The following SYNPR variants were observed in gnomAD, a reference collection of about 807,000 sequenced individuals.
The protein encoded by SYNPR is synaptoporin.
Under a neutral mutation model 32.9 loss-of-function variants are expected in SYNPR, and 23 were observed. The ratio of observed to expected loss-of-function variants is 0.70; its 90% confidence interval spans 0.50 to 0.99. The LOEUF is 0.99. Ranked by LOEUF, SYNPR falls within the 50% of genes least tolerant of loss-of-function variation. The pLI is 0.00. For missense variants in SYNPR, 318 were observed against 349.3 expected, an observed-to-expected ratio of 0.91 and a Z score of 0.71; for synonymous variants, 146 against 135.9, an observed-to-expected ratio of 1.07 and a Z score of -0.52.
intron 1 of SYNPR, among the ~76,000 whole-genome samples, chr3:63,245,197 A>G (rs534274432): frequency 6.5e-4 from 99 of 152,222 alleles, no homozygotes; most frequent in African/African-American, 2.3e-3. Context: ...TTTGGAGTAC[A>G]TAACCAGAAT....
intron 2 of SYNPR, among the ~76,000 whole-genome samples, chr3:63,475,616 T>G (rs545749584): frequency 2.6e-5 from 4 of 152,226 alleles, no homozygotes; most frequent in Admixed American, 2.0e-4. Context: ...CACACCACCA[T>G]GTCTTTACAT....
chr3:63,209,242 C>CG, the SYNPR span, among the ~76,000 whole-genome samples: 257 of 135,592 alleles, frequency 1.9e-3, 1 homozygote, highest in African/African-American at 6.7e-3. Flanking sequence ...GGCATGAACC[C>CG]GGGGGGCGGA....
chr3:63,377,627 G>GT (rs140844448), intron 2 of SYNPR, among the ~76,000 whole-genome samples: 33,031 of 151,296 alleles, frequency 0.22, 3,773 homozygotes, highest in Middle Eastern at 0.28. Flanking sequence ...ATACATCTTA[G>GT]TTTTTTTTTA....
At chr3:63,324,770 T>C (rs1169612490) in intron 2 of SYNPR, among the ~76,000 whole-genome samples, 2 of 152,086 alleles carry the variant, frequency 1.3e-5, no homozygotes, top group Non-Finnish European at 2.9e-5. Context: ...CTATTTAGTA[T>C]GGAGAGGACC....
At chr3:63,401,043 T>G (rs77774584) in intron 2 of SYNPR, among the ~76,000 whole-genome samples, 5,450 of 148,326 alleles carry the variant, frequency 0.037, 267 homozygotes, top group African/African-American at 0.12. Context: ...CAAAAAAGGT[T>G]TTTTTTTTTA....
chr3:63,314,768 T>A (rs773472413), intron 2 of SYNPR, among the ~76,000 whole-genome samples: 5 of 151,950 alleles, frequency 3.3e-5, no homozygotes, highest in Non-Finnish European at 7.4e-5. Flanking sequence ...ATTGCATTTG[T>A]TTTTGGGTTC....
intron 4 of SYNPR, among the ~76,000 whole-genome samples, chr3:63,593,345 T>C (rs1044989544): frequency 2.6e-5 from 4 of 152,114 alleles, no homozygotes; most frequent in African/African-American, 7.2e-5. Flanking sequence ...TTTTAACATA[T>C]GATTTACGAC....
At chr3:63,321,465 G>A (rs769962301) in intron 2 of SYNPR, among the ~76,000 whole-genome samples, 6 of 151,934 alleles carry the variant, frequency 3.9e-5, no homozygotes, top group Non-Finnish European at 7.4e-5. Context: ...GTTATTATGC[G>A]GGTTATGAAA....
At chr3:63,330,292 T>C (rs2087213859) in intron 2 of SYNPR, 1 of 152,176 alleles carries the variant, frequency 6.6e-6, no homozygotes, top group African/African-American at 2.4e-5. Flanking sequence ...ATGTGAGTTT[T>C]CTAATTGTAA....
At chr3:63,342,825 T>G (rs1295956785) in intron 2 of SYNPR, among the ~76,000 whole-genome samples, 2 of 152,198 alleles carry the variant, frequency 1.3e-5, no homozygotes, top group African/African-American at 4.8e-5. Flanking sequence ...GTCTATTTCA[T>G]GTTGATTGAT....
At chr3:63,220,070 TTGTAAC>T in the SYNPR span, among the ~76,000 whole-genome samples, 24 of 152,334 alleles carry the variant, frequency 1.6e-4, no homozygotes, top group East Asian at 4.2e-3. Context: ...TTGTTCACTG[TTGTAAC>T]CCAAGTGCCT....
chr3:63,384,815 A>G (rs1193094854), intron 2 of SYNPR, among the ~76,000 whole-genome samples: 1 of 152,218 alleles, frequency 6.6e-6, no homozygotes, highest in African/African-American at 2.4e-5. Flanking sequence ...TTTAAAAGAT[A>G]AAAACTGGGA....
intron 3 of SYNPR, among the ~76,000 whole-genome samples, chr3:63,511,019 A>G (rs912019640): frequency 2.6e-5 from 4 of 151,574 alleles, no homozygotes; most frequent in African/African-American, 9.7e-5. Context: ...GTTGAAATGC[A>G]AATTGCTGGA....
intron 2 of SYNPR, among the ~76,000 whole-genome samples, chr3:63,380,809 T>G (rs1386886590): frequency 6.6e-6 from 1 of 152,188 alleles, no homozygotes; most frequent in Non-Finnish European, 1.5e-5. Flanking sequence ...AACCACATGA[T>G]TATCTCAATA....
intron 1 of SYNPR, among the ~76,000 whole-genome samples, chr3:63,248,823 G>A (rs958050086): frequency 6.6e-6 from 1 of 152,130 alleles, no homozygotes; most frequent in African/African-American, 2.4e-5. Context: ...TCTCATGGCT[G>A]CTATCATGTG....
intron 2 of SYNPR, among the ~76,000 whole-genome samples, chr3:63,385,995 G>A (rs1035501000): frequency 2.6e-5 from 4 of 152,192 alleles, no homozygotes; most frequent in Admixed American, 1.3e-4. Context: ...TTACATTTGG[G>A]TAATTCTGAA....
intron 3 of SYNPR, among the ~76,000 whole-genome samples, chr3:63,273,165 A>G (rs2086549755): frequency 6.6e-6 from 1 of 152,148 alleles, no homozygotes; most frequent in Non-Finnish European, 1.5e-5. Flanking sequence ...CTACAGAGAA[A>G]TTTTGTTTAT....
Position 63,448,474 on chromosome 3 carries a change from T to A in SYNPR, c.85-32358T>A, listed in dbSNP as rs117411602. Among the ~76,000 whole-genome samples the A allele has an allele frequency of 1.4e-3, 208 of 152,342 alleles. 3 individuals carry two copies. In the East Asian group the frequency reaches 0.033, roughly 24 times the overall value. On this transcript the variant is annotated intron_variant, in intron 2 of 5. Transcript: ENST00000478300. ...GCAAGGACTTCTTAAGTCACCATATTGACATTCACTTCTCAATGTTGAACC... is the reference window on the plus strand; with the variant it reads ...GCAAGGACTTCTTAAGTCACCATATAGACATTCACTTCTCAATGTTGAACC...
At chr3:63,302,739 T>G (rs1197723851) in intron 2 of SYNPR, among the ~76,000 whole-genome samples, 2 of 152,072 alleles carry the variant, frequency 1.3e-5, no homozygotes, top group Non-Finnish European at 2.9e-5. Context: ...ATCTTTGTTT[T>G]CTTCTAAATA....
Sources: allele counts gnomAD v4.1 joint callset (sites outside exome capture counted in the v4.1 genomes callset), GRCh38; gene constraint gnomAD v4.1.1; transcripts MANE v1.5; gene names NCBI Gene and HGNC (gene_info 2026-07-23, HGNC 2026-07-21).